The following PDHX variants were observed in gnomAD, a reference collection of about 807,000 sequenced individuals.
The protein encoded by PDHX is pyruvate dehydrogenase complex component X.
In PDHX, 33 loss-of-function variants were observed where a neutral mutation model predicts 55.3. That is an observed-to-expected ratio of 0.60 (90% CI 0.45 to 0.80). The LOEUF (loss-of-function observed/expected upper bound fraction) is 0.80, where lower values mean the gene tolerates loss of function less well. PDHX is among the 30% of genes least tolerant of loss of function. PDHX has a pLI of 0.00. For missense variants in PDHX, 622 were observed against 619.9 expected (o/e 1.00, Z -0.04); for synonymous variants, 226 against 219.4 (o/e 1.03, Z -0.27).
At chr11:34,918,308 C>T (rs1853789463) in intron 1 of PDHX, among the ~76,000 whole-genome samples, 2 of 151,850 alleles carry the variant, frequency 1.3e-5, no homozygotes, top group South Asian at 4.2e-4. Context: ...AAAAGCCAGG[C>T]GTGCTGGCAT....
At chr11:34,939,804 C>T (rs1854430333) in intron 2 of PDHX, among the ~76,000 whole-genome samples, 1 of 151,998 alleles carries the variant, frequency 6.6e-6, no homozygotes. Context: ...TATTAGAGTA[C>T]TTCATTTCAG....
At chr11:34,985,722 T>G (rs889344285) in intron 9 of PDHX, among the ~76,000 whole-genome samples, 1 of 152,158 alleles carries the variant, frequency 6.6e-6, no homozygotes, top group Non-Finnish European at 1.5e-5. Context: ...ACCTGTTGTA[T>G]GTATAGTGGT....
intron 1 of PDHX, among the ~76,000 whole-genome samples, chr11:34,917,485 C>T (rs936834369): frequency 6.6e-6 from 1 of 152,100 alleles, no homozygotes; most frequent in African/African-American, 2.4e-5. Context: ...CAGTATTTAA[C>T]AGTATGCAAA....
chr11:34,984,829 T>G (rs1387568951), intron 9 of PDHX, 101 bp downstream of exon 9: 3 of 1,155,296 alleles, frequency 2.6e-6, no homozygotes, highest in African/African-American at 3.0e-5. Context: ...ACTGTGATTT[T>G]TGTGTGTGTG....
intron 8 of PDHX, among the ~76,000 whole-genome samples, chr11:34,978,489 T>C (rs531595796): frequency 7.9e-5 from 12 of 152,148 alleles, no homozygotes; most frequent in Admixed American, 1.3e-4. Context: ...ACAAACACTA[T>C]TATATGTCAG....
intron 7 of PDHX, among the ~76,000 whole-genome samples, chr11:34,975,985 T>G (rs1192896323): frequency 6.6e-6 from 1 of 152,176 alleles, no homozygotes; most frequent in Non-Finnish European, 1.5e-5. Flanking sequence ...GTGAGAAGTT[T>G]CTAAAAAATG....
Position 34,995,260 on chromosome 11 carries a change from T to G in PDHX, c.*88T>G. 7.1e-7 allele frequency: 1 copy of G among 1,407,064 alleles called. No homozygotes were observed. Among genetic ancestry groups the G allele is most frequent in the Non-Finnish European group, 1.0e-6 (1 of 995,868 alleles). The allele number at this position is 1,407,064 out of a possible 1,614,324, so 87.2% of individuals were successfully genotyped here. Reference sequence around the variant, plus strand: ...ATGTTATAGGAAAACAACTTGGTATTTAAGTATGAAGTGGATGAAATGTTT... The same window carrying G: ...ATGTTATAGGAAAACAACTTGGTATGTAAGTATGAAGTGGATGAAATGTTT... On this transcript the variant is annotated 3_prime_UTR_variant, in exon 11 of 11. Transcript: ENST00000227868.
At chr11:34,977,569 A>T (rs927754441) in intron 7 of PDHX, among the ~76,000 whole-genome samples, 1 of 151,984 alleles carries the variant, frequency 6.6e-6, no homozygotes, top group East Asian at 1.9e-4. Context: ...AAGCAGTTAA[A>T]TTTTTTTTCA....
chr11:34,972,232 A>AT (rs532006180), intron 7 of PDHX, among the ~76,000 whole-genome samples: 27 of 143,160 alleles, frequency 1.9e-4, no homozygotes, highest in African/African-American at 5.4e-4. Context: ...TCTGTTCTTT[A>AT]TTTTTTTTTT....
intron 1 of PDHX, among the ~76,000 whole-genome samples, chr11:34,919,348 A>G (rs1264910799): frequency 6.6e-6 from 1 of 152,182 alleles, no homozygotes; most frequent in African/African-American, 2.4e-5. Context: ...CTAAACAACT[A>G]TTTGGATTAC....
chr11:34,967,792 T>C (rs1483186830), intron 6 of PDHX, among the ~76,000 whole-genome samples: 1 of 152,192 alleles, frequency 6.6e-6, no homozygotes, highest in African/African-American at 2.4e-5. Context: ...AGTACAACTT[T>C]CATGGGAAAC....
In PDHX at chr11:34,978,193, G is replaced by T. The variant is rs760719830; in HGVS notation, c.1023+11G>T. On this transcript the variant is annotated intron_variant, in intron 8 of 10. Transcript: ENST00000227868. ...GCTGTTACCCTTAAAGTAAGTAGCA[G>T]ACTTCAAATGATTTTGTCTTCTTAA... is the stretch of plus-strand genomic sequence containing the variant. The T allele has an allele frequency of 2.7e-6, 4 of 1,465,120 alleles. No individual in the cohort carries two copies. Among genetic ancestry groups the T allele is most frequent in the Non-Finnish European group, 3.8e-6 (4 of 1,043,308 alleles). The allele number at this position is 1,465,120 out of a possible 1,614,324, so 90.8% of individuals were successfully genotyped here. A position where few individuals can be genotyped will look rare whatever the true frequency, so the allele number is the denominator to read the frequency against.
chr11:34,962,919 G>A (rs1052250832), intron 5 of PDHX, among the ~76,000 whole-genome samples: 1 of 152,120 alleles, frequency 6.6e-6, no homozygotes, highest in Non-Finnish European at 1.5e-5. Context: ...CCATAAGGAA[G>A]CAGTATTAAA....
intron 3 of PDHX, among the ~76,000 whole-genome samples, 174 bp downstream of exon 3, chr11:34,947,780 T>C (rs1854659635): frequency 6.6e-6 from 1 of 152,256 alleles, no homozygotes; most frequent in Non-Finnish European, 1.5e-5. Flanking sequence ...TCTAATAGCC[T>C]ATTTTTCTGT....
chr11:34,942,569 T>C (rs1215379612), intron 2 of PDHX, among the ~76,000 whole-genome samples: 3 of 152,288 alleles, frequency 2.0e-5, no homozygotes, highest in East Asian at 3.9e-4. Flanking sequence ...TCTTTCTAAG[T>C]TATAGCACTA....
intron 3 of PDHX, among the ~76,000 whole-genome samples, chr11:34,953,946 C>T (rs1290554886): frequency 6.6e-6 from 1 of 152,206 alleles, no homozygotes. Flanking sequence ...GTTTCTTCTT[C>T]CCCTCTGTAT....
chr11:34,954,670 T>A (rs1011414356), intron 3 of PDHX, among the ~76,000 whole-genome samples: 1 of 152,234 alleles, frequency 6.6e-6, no homozygotes, highest in Admixed American at 6.5e-5. Flanking sequence ...GTTGAATGTA[T>A]TGTTTTAAAA....
In PDHX at chr11:34,994,459, A is replaced by G. The variant is rs74360937; in HGVS notation, c.1248-455A>G. On this transcript the variant is annotated intron_variant, in intron 10 of 10. Coordinates refer to ENST00000227868, the MANE Select transcript of PDHX (RefSeq NM_003477.3). ...ATGAGTGAATGCTTAGGACATCACT[A>G]TACACTACTGTAGACTTTATAAACA... 2.6e-3 allele frequency among the ~76,000 whole-genome samples: 394 copies of G among 152,354 alleles called. 1 individual carries two copies. Among genetic ancestry groups the G allele is most frequent in the East Asian group, 0.019 (97 of 5,192 alleles).
chr11:34,986,303 A>C (rs1300751385), intron 9 of PDHX, among the ~76,000 whole-genome samples: 1 of 85,890 alleles, frequency 1.2e-5, no homozygotes, highest in Admixed American at 1.2e-4. Context: ...AAGACACTGT[A>C]TCTCAAAAAA....
Sources: gnomAD v4.1 joint callset for allele counts (sites outside exome capture counted in the v4.1 genomes callset) on GRCh38, gnomAD v4.1.1 for gene constraint, MANE v1.5 for transcripts, NCBI Gene and HGNC (gene_info 2026-07-23, HGNC 2026-07-21) for gene names.